The following BST1 variants were observed in gnomAD, a reference collection of about 807,000 sequenced individuals.
BST1 encodes the protein bone marrow stromal cell antigen 1.
In BST1, 49 loss-of-function variants were observed where a neutral mutation model predicts 40.6. That is an observed-to-expected ratio of 1.21 (90% CI 0.96 to 1.53). BST1 has a LOEUF of 1.53. Ranked by LOEUF, BST1 falls within the 40% of genes most tolerant of loss-of-function variation. The probability of loss-of-function intolerance (pLI) is 0.00; values close to 1 mark genes in which losing one functional copy is unlikely to be tolerated. For synonymous variants in BST1, 157 were observed against 159.3 expected (o/e 0.99, Z 0.11); for missense variants, 423 against 395.9 (o/e 1.07, Z -0.58).
downstream of BST1, among the ~76,000 whole-genome samples, chr4:15,741,695 C>T (rs1356510070): frequency 6.6e-6 from 1 of 152,176 alleles, no homozygotes; most frequent in Non-Finnish European, 1.5e-5. Flanking sequence ...CTACATGAAG[C>T]TCAAATTTTA....
intron 4 of BST1, 33 bp downstream of exon 4, chr4:15,711,922 A>G (rs889443794): frequency 1.3e-6 from 2 of 1,575,786 alleles, no homozygotes; most frequent in South Asian, 1.1e-5. Flanking sequence ...GTGGTTGAGC[A>G]TGTGTGGGAC....
At position 15,732,638 on chromosome 4, in the gene BST1, G is replaced by A; in HGVS notation, c.*793G>A. 1 of 152,102 alleles carries A rather than the reference G, an allele frequency of 6.6e-6. No homozygotes were observed. The highest frequency in any genetic ancestry group is 1.9e-4 in the East Asian group (1 of 5,204). The allele number at this position is 152,102 out of a possible 1,614,324, so 9.4% of individuals were successfully genotyped here. A position where few individuals can be genotyped will look rare whatever the true frequency, so the allele number is the denominator to read the frequency against. ...CAGCCATAATAGTTACTTATAATGA[G>A]GGAAAAACCCAAAATATCCAGTAAT... On this transcript the variant is annotated 3_prime_UTR_variant, in exon 9 of 9. Coordinates refer to ENST00000265016, the MANE Select transcript of BST1 (RefSeq NM_004334.3).
chr4:15,733,130 C>T (rs947598143), downstream of BST1, among the ~76,000 whole-genome samples: 11 of 152,218 alleles, frequency 7.2e-5, no homozygotes, highest in South Asian at 2.1e-4. Context: ...ACTGCTGGCT[C>T]GGTGGCCAGC....
the BST1 span, among the ~76,000 whole-genome samples, chr4:15,747,713 A>C: frequency 6.6e-6 from 1 of 152,214 alleles, no homozygotes; most frequent in Admixed American, 6.6e-5. Context: ...ACCTTCTCCC[A>C]GGCTGGAGCA....
chr4:15,757,659 G>T, the BST1 span, among the ~76,000 whole-genome samples: 435 of 151,144 alleles, frequency 2.9e-3, 3 homozygotes, highest in African/African-American at 0.01. Context: ...TATTTATTTA[G>T]AGAAAGAGTT....
At chr4:15,766,131 G>A in the BST1 span, among the ~76,000 whole-genome samples, 1 of 151,966 alleles carries the variant, frequency 6.6e-6, no homozygotes, top group African/African-American at 2.4e-5. Context: ...GACAAAGACT[G>A]TTTGGCATCC....
chr4:15,711,258 T>C (rs912392748), intron 3 of BST1, among the ~76,000 whole-genome samples: 5 of 152,340 alleles, frequency 3.3e-5, no homozygotes, highest in Non-Finnish European at 5.9e-5. Flanking sequence ...CCCATTGATC[T>C]GCTAGGGTCT....
At position 15,732,224 on chromosome 4, in the gene BST1, T is replaced by G; in HGVS notation, c.*379T>G. Reference sequence around the variant, plus strand: ...GCACGGACACTGCATGCTTGTTGATTGCTTAAGACATATGTATACTATATA... The same window carrying G: ...GCACGGACACTGCATGCTTGTTGATGGCTTAAGACATATGTATACTATATA... On this transcript the variant is annotated 3_prime_UTR_variant, in exon 9 of 9. Transcript: ENST00000265016. The G allele has an allele frequency of 1.5e-6, 1 of 663,104 alleles. No individual in the cohort carries two copies. Among genetic ancestry groups the G allele is most frequent in the Non-Finnish European group, 1.9e-6 (1 of 523,770 alleles). 41.1% of individuals were successfully genotyped at this position (663,104 alleles called of 1,614,324 possible). A position where few individuals can be genotyped will look rare whatever the true frequency, so the allele number is the denominator to read the frequency against.
chr4:15,759,229 C>A, the BST1 span, among the ~76,000 whole-genome samples: 3 of 151,998 alleles, frequency 2.0e-5, no homozygotes, highest in Admixed American at 6.5e-5. Flanking sequence ...TACTGGTCCA[C>A]TATGGAGCCC....
chr4:15,741,589 T>G (rs1307333893), downstream of BST1, among the ~76,000 whole-genome samples: 1 of 152,214 alleles, frequency 6.6e-6, no homozygotes, highest in East Asian at 1.9e-4. Context: ...GGGCCCATTC[T>G]GGCTTTTGTA....
intron 8 of BST1, among the ~76,000 whole-genome samples, chr4:15,729,301 A>C (rs1023229984): frequency 6.6e-6 from 1 of 152,064 alleles, no homozygotes; most frequent in African/African-American, 2.4e-5. Flanking sequence ...GCAAACAAAC[A>C]AAAAATTGGC....
the BST1 span, among the ~76,000 whole-genome samples, chr4:15,757,935 C>T: frequency 6.6e-6 from 1 of 152,104 alleles, no homozygotes; most frequent in Non-Finnish European, 1.5e-5. Flanking sequence ...AGCCACCGCG[C>T]CCGGTGGGAT....
intron 2 of BST1, among the ~76,000 whole-genome samples, chr4:15,706,398 T>C (rs1385156350): frequency 6.6e-6 from 1 of 152,224 alleles, no homozygotes; most frequent in African/African-American, 2.4e-5. Context: ...TCAATCTCAG[T>C]ATCCTCCCGG....
At chr4:15,726,752 C>G (rs1721134390) in intron 8 of BST1, among the ~76,000 whole-genome samples, 1 of 152,170 alleles carries the variant, frequency 6.6e-6, no homozygotes, top group Non-Finnish European at 1.5e-5. Flanking sequence ...CTGCACCCTA[C>G]ACCACCATTC....
chr4:15,765,301 G>A, the BST1 span, among the ~76,000 whole-genome samples: 8 of 151,832 alleles, frequency 5.3e-5, no homozygotes, highest in Non-Finnish European at 7.4e-5. Context: ...TTACTCTATC[G>A]GCAAATCCGG....
intron 3 of BST1, 117 bp from the exon 4 acceptor site, chr4:15,711,690 A>G (rs1720213681): frequency 2.4e-6 from 2 of 820,714 alleles, no homozygotes; most frequent in Non-Finnish European, 4.1e-6. Flanking sequence ...AAACTTGTAC[A>G]CATTGTACAG....
the BST1 span, among the ~76,000 whole-genome samples, chr4:15,757,937 C>A: frequency 1.3e-5 from 2 of 151,756 alleles, no homozygotes; most frequent in South Asian, 4.2e-4. Flanking sequence ...CCACCGCGCC[C>A]GGTGGGATTT....
the BST1 span, among the ~76,000 whole-genome samples, chr4:15,744,684 G>A: frequency 6.6e-6 from 1 of 152,218 alleles, no homozygotes; most frequent in South Asian, 2.1e-4. Context: ...TAATCGTGAG[G>A]CTTAGGGGCA....
At chr4:15,703,630 G>GA (rs1560274754) in intron 1 of BST1, among the ~76,000 whole-genome samples, 16 of 128,140 alleles carry the variant, frequency 1.2e-4, no homozygotes, top group East Asian at 8.3e-4. Flanking sequence ...TAGAGGTGAG[G>GA]GGGGTGTGTG....
Sources: gnomAD v4.1 joint callset for allele counts (sites outside exome capture counted in the v4.1 genomes callset) on GRCh38, gnomAD v4.1.1 for gene constraint, MANE v1.5 for transcripts, NCBI Gene and HGNC (gene_info 2026-07-23, HGNC 2026-07-21) for gene names.